The following AHCYL2 variants were observed in gnomAD, a reference collection of about 807,000 sequenced individuals.
The protein encoded by AHCYL2 is S-adenosylhomocysteine hydrolase-like protein 2.
A neutral mutation model predicts 81.4 loss-of-function variants in AHCYL2; 28 were observed. That is an observed-to-expected ratio of 0.34 (90% CI 0.25 to 0.47). The LOEUF is 0.47. Ranked by LOEUF, AHCYL2 falls within the 20% of genes least tolerant of loss-of-function variation. The pLI, the probability that AHCYL2 is intolerant of heterozygous loss-of-function variation, is 1.00. For missense variants in AHCYL2, 551 were observed against 785.1 expected, an observed-to-expected ratio of 0.70 and a Z score of 3.56; for synonymous variants, 272 against 290.2, an observed-to-expected ratio of 0.94 and a Z score of 0.64.
In AHCYL2 at chr7:129,379,710, C is replaced by G; in HGVS notation, c.436C>G (p.Arg146Gly). The G allele has an allele frequency of 6.2e-7, 1 of 1,614,122 alleles. No homozygotes were observed. Among genetic ancestry groups the G allele is most frequent in the Non-Finnish European group, 8.5e-7 (1 of 1,180,000 alleles). Reference sequence around the variant, plus strand: ...CAAAATTGGACGTCGCTCTTTGTCTCGTTCCATTTCTCAGTCATCTACTGA... The same window carrying G: ...CAAAATTGGACGTCGCTCTTTGTCTGGTTCCATTTCTCAGTCATCTACTGA... ...PTKIGRRSLS[R>G]SISQSSTDSY... Residue 146 changes from arginine (R) to glycine (G), a missense_variant, in exon 2 of 17, where the codon CGT (arginine) becomes GGT (glycine). Physicochemically the swap from Arg to Gly is moderately radical, Grantham distance 125. Around this residue, in one of 2 missense-constraint regions of AHCYL2, gnomAD observed 235 missense variants for 242.1 expected, o/e 0.97. Transcript: ENST00000325006.
chr7:129,354,465 C>T (rs1048363212), intron 1 of AHCYL2, among the ~76,000 whole-genome samples: 1 of 151,970 alleles, frequency 6.6e-6, no homozygotes. Context: ...GAAGAAAGGG[C>T]TGAGTAAGGA....
chr7:129,401,962 G>A (rs960813849), intron 6 of AHCYL2, among the ~76,000 whole-genome samples: 7 of 152,182 alleles, frequency 4.6e-5, no homozygotes, highest in Non-Finnish European at 2.9e-5. Flanking sequence ...AAGATTTCCT[G>A]ATGACAATAA....
At chr7:129,277,133 G>A (rs1323817057) in intron 1 of AHCYL2, among the ~76,000 whole-genome samples, 1 of 152,086 alleles carries the variant, frequency 6.6e-6, no homozygotes, top group Admixed American at 6.5e-5. Flanking sequence ...TTTTACAATA[G>A]TTTTATAAAG....
At chr7:129,351,382 A>C (rs1265308891) in intron 1 of AHCYL2, 1 of 152,216 alleles carries the variant, frequency 6.6e-6, no homozygotes, top group Admixed American at 6.5e-5. Flanking sequence ...AAACACAAAA[A>C]TATACAAGCA....
At chr7:129,317,068 C>T (rs1797848574) in intron 1 of AHCYL2, among the ~76,000 whole-genome samples, 1 of 152,150 alleles carries the variant, frequency 6.6e-6, no homozygotes, top group African/African-American at 2.4e-5. Flanking sequence ...AGGGAAAATT[C>T]GTTGATTCAC....
chr7:129,225,316 G>C lies in AHCYL2; in HGVS notation c.240G>C (p.Val80=). Residue 80 remains valine, a synonymous_variant, in exon 1 of 17, where the codon GTG becomes GTC. Coordinates refer to ENST00000325006, the MANE Select transcript of AHCYL2 (RefSeq NM_015328.4). ...AAALSPAAGK[V]PQASAMKRSD... is the part of the protein sequence containing the mutation. ...CTCTCAGCCCCGCCGCCGGGAAGGT[G>C]CCTCAGGCGTCGGCCATGAAGCGGA... is the stretch of plus-strand genomic sequence containing the variant. The C allele has an allele frequency of 6.7e-7, 1 of 1,488,096 alleles. No individual in the cohort carries two copies. The highest frequency in any genetic ancestry group is 8.9e-7 in the Non-Finnish European group (1 of 1,127,522). 92.2% of individuals were successfully genotyped at this position (1,488,096 alleles called of 1,614,324 possible). A position where few individuals can be genotyped will look rare whatever the true frequency, so the allele number is the denominator to read the frequency against.
chr7:129,405,566 G>A (rs948319999), intron 8 of AHCYL2: 13 of 404,170 alleles, frequency 3.2e-5, no homozygotes, highest in Admixed American at 2.1e-4. Context: ...GGCAGGGAGT[G>A]AGAAAATATG....
At chr7:129,337,073 T>C (rs1270688376) in intron 1 of AHCYL2, among the ~76,000 whole-genome samples, 2 of 152,214 alleles carry the variant, frequency 1.3e-5, no homozygotes, top group East Asian at 1.9e-4. Flanking sequence ...AAATTATTTA[T>C]ATTCGAATAG....
At chr7:129,357,725 G>A (rs1277701127) in intron 1 of AHCYL2, among the ~76,000 whole-genome samples, 2 of 152,100 alleles carry the variant, frequency 1.3e-5, no homozygotes, top group Non-Finnish European at 2.9e-5. Flanking sequence ...ACGAGGTCAG[G>A]AGATCGAGAC....
At chr7:129,377,464 C>T (rs1051456040) in intron 1 of AHCYL2, 2 of 449,774 alleles carry the variant, frequency 4.4e-6, no homozygotes. Context: ...CCCTAAAAGG[C>T]AATGTGAAGC....
At chr7:129,319,013 T>A (rs1797923937) in intron 1 of AHCYL2, among the ~76,000 whole-genome samples, 1 of 152,056 alleles carries the variant, frequency 6.6e-6, no homozygotes, top group African/African-American at 2.4e-5. Context: ...GGGAAAATAT[T>A]TGCAACTCAC....
intron 1 of AHCYL2, among the ~76,000 whole-genome samples, chr7:129,376,917 C>T (rs1794714711): frequency 6.6e-6 from 1 of 152,206 alleles, no homozygotes; most frequent in South Asian, 2.1e-4. Flanking sequence ...GACTGCTGTC[C>T]ACCTCCCCAG....
At chr7:129,390,535 C>T (rs1166184086) in intron 4 of AHCYL2, among the ~76,000 whole-genome samples, 1 of 152,168 alleles carries the variant, frequency 6.6e-6, no homozygotes, top group Non-Finnish European at 1.5e-5. Context: ...GAATTTATCA[C>T]AGTACATAGC....
chr7:129,398,021 A>C (rs1795827332), intron 5 of AHCYL2, among the ~76,000 whole-genome samples: 3 of 152,148 alleles, frequency 2.0e-5, no homozygotes, highest in Admixed American at 2.0e-4. Context: ...CCTTTTTTTA[A>C]AAGTAGAAAC....
intron 7 of AHCYL2, among the ~76,000 whole-genome samples, chr7:129,404,701 C>T (rs1489857917): frequency 2.0e-5 from 3 of 152,132 alleles, no homozygotes; most frequent in Non-Finnish European, 4.4e-5. Context: ...ACAATAAAAG[C>T]ACAAACAGCC....
intron 1 of AHCYL2, among the ~76,000 whole-genome samples, chr7:129,248,163 G>T (rs73721598): frequency 3.3e-3 from 509 of 152,254 alleles, no homozygotes; most frequent in African/African-American, 0.012. Flanking sequence ...AGATGTGGAG[G>T]TATGTTTCTA....
chr7:129,400,254 T>G, intron 5 of AHCYL2, 36 bp from the exon 6 acceptor site: 1 of 1,594,206 alleles, frequency 6.3e-7, no homozygotes, highest in Non-Finnish European at 8.6e-7. Flanking sequence ...CCTTTTTTGG[T>G]CTTTAATGGT....
At chr7:129,257,960 G>A (rs963705655) in intron 1 of AHCYL2, among the ~76,000 whole-genome samples, 2 of 152,174 alleles carry the variant, frequency 1.3e-5, no homozygotes, top group Admixed American at 1.3e-4. Context: ...ACACATTATA[G>A]TGATTGCCTG....
intron 1 of AHCYL2, among the ~76,000 whole-genome samples, chr7:129,365,271 AT>A (rs1175162688): frequency 6.6e-6 from 1 of 152,206 alleles, no homozygotes; most frequent in Non-Finnish European, 1.5e-5. Flanking sequence ...AAAAGTGAAG[AT>A]AATGGAAGTG....
Sources: gnomAD v4.1 joint callset for allele counts (sites outside exome capture counted in the v4.1 genomes callset) on GRCh38, gnomAD v4.1.1 for gene constraint, gnomAD v4.1.1 regional missense constraint, MANE v1.5 for transcripts, NCBI Gene and HGNC (gene_info 2026-07-23, HGNC 2026-07-21) for gene names.